Variants in DPY30 observed in about 807,000 individuals in gnomAD.
The protein encoded by DPY30 is protein dpy-30 homolog.
In DPY30, 6 loss-of-function variants were observed where a neutral mutation model predicts 16.2. The ratio of observed to expected loss-of-function variants is 0.37; its 90% CI spans 0.20 to 0.73. DPY30 has a LOEUF of 0.73. DPY30 is among the 30% of genes least tolerant of loss of function. The pLI is 0.51. For missense variants in DPY30, 73 were observed against 113.1 expected, an observed-to-expected ratio of 0.65 and a Z score of 1.61; for synonymous variants, 39 against 38.8, an observed-to-expected ratio of 1.00 and a Z score of -0.02.
chr2:32,020,143 C>T (rs183620984), downstream of DPY30, among the ~76,000 whole-genome samples: 3 of 151,664 alleles, frequency 2.0e-5, no homozygotes, highest in East Asian at 5.9e-4. Context: ...GACTTGAGCC[C>T]AGGAGTAAGC....
At chr2:32,019,692 C>T (rs1285767837), downstream of DPY30, among the ~76,000 whole-genome samples, 3 of 150,056 alleles carry the variant, frequency 2.0e-5, no homozygotes, top group East Asian at 2.0e-4. Context: ...TGGTGGTGTG[C>T]GCCTGTAATC....
chr2:32,039,405 C>T lies in DPY30; in HGVS notation c.36+16G>A. On this transcript the variant is annotated intron_variant, in intron 2 of 4. Transcript: ENST00000342166. ...TCCCTGCACACCGCCACCCTGAATC[C>T]ACGGCCTCCTGATACCTGCGTTTGT... 6.2e-7 allele frequency: 1 copy of T among 1,614,132 alleles called. No individual in the cohort carries two copies. Among genetic ancestry groups the T allele is most frequent in the Non-Finnish European group, 8.5e-7 (1 of 1,180,016 alleles).
At chr2:32,019,863 C>A (rs1558582425), downstream of DPY30, among the ~76,000 whole-genome samples, 1 of 139,214 alleles carries the variant, frequency 7.2e-6, no homozygotes, top group African/African-American at 2.6e-5. Flanking sequence ...TATACACACA[C>A]ATATATATGT....
At chr2:32,033,631 C>G (rs1362572772) in intron 3 of DPY30, among the ~76,000 whole-genome samples, 1 of 152,236 alleles carries the variant, frequency 6.6e-6, no homozygotes, top group Non-Finnish European at 1.5e-5. Flanking sequence ...GAGATCGCGC[C>G]ACAGCACTCC....
chr2:32,031,127 T>A (rs980872837), intron 3 of DPY30, among the ~76,000 whole-genome samples: 1 of 152,136 alleles, frequency 6.6e-6, no homozygotes, highest in Non-Finnish European at 1.5e-5. Flanking sequence ...AACTAATGTA[T>A]TAAAAAATTT....
chr2:32,019,834 AAATAT>A (rs1394201645), downstream of DPY30, among the ~76,000 whole-genome samples: 44 of 120,652 alleles, frequency 3.6e-4, no homozygotes, highest in African/African-American at 1.0e-3. Flanking sequence ...AAAAAAAAAA[AAATAT>A]ATATATATAT....
chr2:32,038,419 G>C (rs1266645920), intron 3 of DPY30, among the ~76,000 whole-genome samples: 1 of 98,182 alleles, frequency 1.0e-5, no homozygotes, highest in Non-Finnish European at 2.0e-5. Context: ...AGGGGGGGGG[G>C]GGCGGGGGGA....
intron 3 of DPY30, among the ~76,000 whole-genome samples, chr2:32,036,727 G>C (rs1675755683): frequency 6.6e-6 from 1 of 150,950 alleles, no homozygotes; most frequent in Non-Finnish European, 1.5e-5. Context: ...AATTAGCCGG[G>C]CATGGTTGGC....
rs190389238 is a variant in DPY30, at chr2:32,017,595, A to G, written n.378-5543T>C. Among the ~76,000 whole-genome samples the G allele has an allele frequency of 1.9e-4, 27 of 144,134 alleles. No individual in the cohort carries two copies. In the East Asian group the frequency reaches 5.2e-3, roughly 28 times the overall value. 94.6% of individuals were successfully genotyped at this position (144,134 alleles called of 152,430 possible). A position where few individuals can be genotyped will look rare whatever the true frequency, so the allele number is the denominator to read the frequency against. On this transcript the variant is annotated intron_variant and non_coding_transcript_variant, in intron 5 of 5. Transcript: ENST00000414013. Reference sequence around the variant, plus strand: ...GTGCCATTGCACTCCAGCCTGGGCAAGAAGACCAAAACACCATCTCAAAAA... The same window carrying G: ...GTGCCATTGCACTCCAGCCTGGGCAGGAAGACCAAAACACCATCTCAAAAA...
chr2:32,024,432 A>T (rs1306865862), intron 4 of DPY30, among the ~76,000 whole-genome samples, 176 bp from the exon 5 acceptor site: 1 of 152,220 alleles, frequency 6.6e-6, no homozygotes, highest in East Asian at 1.9e-4. Context: ...TAGCCAACAA[A>T]ATAGTTTAAT....
intron 1 of DPY30, 86 bp from the exon 2 acceptor site, chr2:32,039,578 G>GC: frequency 7.4e-7 from 1 of 1,344,650 alleles, no homozygotes; most frequent in Admixed American, 2.0e-5. Context: ...CCCCGACCCC[G>GC]CCCCTCACCC....
intron 3 of DPY30, 107 bp from the exon 4 acceptor site, chr2:32,029,843 T>C: frequency 7.9e-7 from 1 of 1,273,742 alleles, no homozygotes; most frequent in Non-Finnish European, 1.1e-6. Flanking sequence ...GGCAAATCAA[T>C]GACTAGAAAG....
chr2:32,012,640 G>C (rs1266029264), intron 5 of DPY30, among the ~76,000 whole-genome samples: 1 of 151,916 alleles, frequency 6.6e-6, no homozygotes, highest in East Asian at 1.9e-4. Context: ...GTTTCACCAT[G>C]TTGGCCAGGG....
intron 5 of DPY30, chr2:32,013,110 T>C (rs1675001471): frequency 6.6e-6 from 1 of 152,220 alleles, no homozygotes; most frequent in Non-Finnish European, 1.5e-5. Context: ...GCCTCAGTGT[T>C]ATCTGTCAAA....
intron 3 of DPY30, among the ~76,000 whole-genome samples, chr2:32,030,264 T>G (rs181535138): frequency 1.3e-5 from 2 of 152,230 alleles, no homozygotes; most frequent in East Asian, 3.9e-4. Context: ...ATGAGAATGT[T>G]TTTCCCTTTA....
intron 4 of DPY30, 124 bp downstream of exon 4, chr2:32,029,470 C>G: frequency 8.5e-7 from 1 of 1,176,248 alleles, no homozygotes; most frequent in Non-Finnish European, 1.2e-6. Context: ...TGAATACTTT[C>G]TTAAAAACTT....
chr2:32,016,119 C>G (rs1048468854), intron 5 of DPY30, among the ~76,000 whole-genome samples: 1 of 152,064 alleles, frequency 6.6e-6, no homozygotes, highest in Non-Finnish European at 1.5e-5. Context: ...AGGCTGGTCT[C>G]GAACTCCTGA....
At chr2:32,026,120 T>C (rs965223442) in intron 4 of DPY30, among the ~76,000 whole-genome samples, 3 of 152,008 alleles carry the variant, frequency 2.0e-5, no homozygotes, top group African/African-American at 4.8e-5. Flanking sequence ...AAAAAAAAAT[T>C]TGTGTTTTAA....
At chr2:32,024,326 C>A in intron 4 of DPY30, 70 bp from the exon 5 acceptor site, 2 of 1,138,754 alleles carry the variant, frequency 1.8e-6, no homozygotes, top group Admixed American at 2.5e-5. Flanking sequence ...CATATTGTTC[C>A]ATAATGAAAA....
Sources: allele counts gnomAD v4.1 joint callset (sites outside exome capture counted in the v4.1 genomes callset), GRCh38; gene constraint gnomAD v4.1.1; transcripts MANE v1.5; gene names NCBI Gene and HGNC (gene_info 2026-07-23, HGNC 2026-07-21).